RAPGEF2: variants seen among roughly 807,000 people sequenced by gnomAD.
RAPGEF2 encodes the protein PDZ domain containing guanine nucleotide exchange factor (GEF) 1.
Under a neutral mutation model 186.7 loss-of-function variants are expected in RAPGEF2, and 54 were observed. That is an observed-to-expected ratio of 0.29 (90% CI 0.23 to 0.36). RAPGEF2 has a LOEUF of 0.36. Ranked by LOEUF, RAPGEF2 falls within the 10% of genes least tolerant of loss-of-function variation. The pLI is 1.00. For synonymous variants in RAPGEF2, 712 were observed against 705.9 expected (o/e 1.01, Z -0.14); for missense variants, 1,532 against 2,045.0 (o/e 0.75, Z 4.84).
At chr4:159,220,398 T>C (rs910878120) in intron 4 of RAPGEF2, among the ~76,000 whole-genome samples, 1 of 152,098 alleles carries the variant, frequency 6.6e-6, no homozygotes, top group Admixed American at 6.5e-5. Flanking sequence ...TGTTAGCTTT[T>C]GAGAGAGCAA....
At chr4:159,256,024 A>G (rs1756119551) in intron 7 of RAPGEF2, among the ~76,000 whole-genome samples, 2 of 152,170 alleles carry the variant, frequency 1.3e-5, no homozygotes, top group Admixed American at 1.3e-4. Context: ...CATGCTGTTG[A>G]ACTGACCAAC....
At chr4:159,148,130 A>G (rs1016870395) in intron 1 of RAPGEF2, among the ~76,000 whole-genome samples, 2 of 152,196 alleles carry the variant, frequency 1.3e-5, no homozygotes, top group African/African-American at 2.4e-5. Context: ...AACATCTAGT[A>G]TATTAGATCT....
chr4:159,330,263 A>ATTTGTGTGTGTGTGTGTGTG, intron 12 of RAPGEF2, 71 bp from the exon 13 acceptor site: 1 of 410,162 alleles, frequency 2.4e-6, no homozygotes, highest in Non-Finnish European at 3.9e-6. Context: ...GTGTATATGT[A>ATTTGTGTGTGTGTGTGTGTG]TATGTGTGTG....
intron 4 of RAPGEF2, among the ~76,000 whole-genome samples, chr4:159,218,121 T>C (rs1354167497): frequency 6.6e-6 from 1 of 152,182 alleles, no homozygotes; most frequent in Non-Finnish European, 1.5e-5. Context: ...TACAGAAGGG[T>C]AACTTTATTG....
chr4:159,147,291 C>T lies in RAPGEF2; in HGVS notation c.70-39351C>T, dbSNP rs1017202791. Reference sequence around the variant, plus strand: ...TAATGAATAAAGGGACAGGAATATACGAAAAGAAAAAGAAATGGTTTGAAG... The same window carrying T: ...TAATGAATAAAGGGACAGGAATATATGAAAAGAAAAAGAAATGGTTTGAAG... On this transcript the variant is annotated intron_variant, in intron 1 of 29. Transcript: ENST00000691494. Among the ~76,000 whole-genome samples, 23 of 150,428 alleles carry T rather than the reference C, an allele frequency of 1.5e-4. No individual in the cohort carries two copies. In the East Asian group the frequency reaches 2.5e-3, roughly 16 times the overall value.
chr4:159,257,453 A>G (rs750237982), intron 7 of RAPGEF2, among the ~76,000 whole-genome samples: 3 of 152,174 alleles, frequency 2.0e-5, no homozygotes, highest in African/African-American at 7.2e-5. Context: ...AGAACAGCAC[A>G]GGAAAGACCC....
Position 159,318,891 on chromosome 4 carries a change from T to C in RAPGEF2, c.854-3456T>C, listed in dbSNP as rs567748250. On this transcript the variant is annotated intron_variant, in intron 9 of 29. Coordinates refer to ENST00000691494, the MANE Select transcript of RAPGEF2 (RefSeq NM_001394067.2). ...TTTTTTTATAATGGTACATTGTAAATAAAATGTTTTTAAAGCTTAATATTT... is the reference window on the plus strand; with the variant it reads ...TTTTTTTATAATGGTACATTGTAAACAAAATGTTTTTAAAGCTTAATATTT... 2.8e-4 allele frequency among the ~76,000 whole-genome samples: 42 copies of C among 152,320 alleles called. No homozygotes were observed. In the South Asian group the frequency reaches 8.3e-3, roughly 30 times the overall value.
Position 159,104,128 on chromosome 4 carries a change from G to T in RAPGEF2, c.-35G>T. ...CTGGGCCGGGAGGAGGCCGGCCAGG[G>T]TGCGGAGCGGCCCCGGCCCGCTCCC... On this transcript the variant is annotated 5_prime_UTR_variant, in exon 1 of 30. Coordinates refer to ENST00000691494, the MANE Select transcript of RAPGEF2 (RefSeq NM_001394067.2). 6.9e-7 allele frequency: 1 copy of T among 1,448,558 alleles called. No individual in the cohort carries two copies. Among genetic ancestry groups the T allele is most frequent in the Non-Finnish European group, 9.2e-7 (1 of 1,089,636 alleles). 89.7% of individuals were successfully genotyped at this position (1,448,558 alleles called of 1,614,324 possible). A position where few individuals can be genotyped will look rare whatever the true frequency, so the allele number is the denominator to read the frequency against.
intron 1 of RAPGEF2, among the ~76,000 whole-genome samples, chr4:159,170,885 A>G (rs1579364156): frequency 6.6e-6 from 1 of 152,142 alleles, no homozygotes; most frequent in South Asian, 2.1e-4. Flanking sequence ...TATGGTATTA[A>G]TAAGGGTCTA....
intron 7 of RAPGEF2, among the ~76,000 whole-genome samples, chr4:159,260,856 C>G (rs946843060): frequency 6.6e-6 from 1 of 152,166 alleles, no homozygotes; most frequent in African/African-American, 2.4e-5. Context: ...TCAAGTGATT[C>G]TCCTTCCTCA....
chr4:159,127,530 T>C (rs1740484529), intron 1 of RAPGEF2, among the ~76,000 whole-genome samples: 1 of 152,176 alleles, frequency 6.6e-6, no homozygotes, highest in East Asian at 1.9e-4. Flanking sequence ...GCTGTCACTG[T>C]TTTTAGCTTG....
intron 1 of RAPGEF2, among the ~76,000 whole-genome samples, chr4:159,153,952 C>T (rs972458169): frequency 2.0e-5 from 3 of 152,044 alleles, no homozygotes; most frequent in African/African-American, 4.8e-5. Flanking sequence ...AAGAAGGGCC[C>T]GTGTTTTAAT....
At chr4:159,129,967 G>A (rs1740834839) in intron 1 of RAPGEF2, among the ~76,000 whole-genome samples, 1 of 152,136 alleles carries the variant, frequency 6.6e-6, no homozygotes, top group South Asian at 2.1e-4. Flanking sequence ...TAAACAAGGG[G>A]TGAATTATTT....
intron 7 of RAPGEF2, chr4:159,267,284 A>G: frequency 7.8e-7 from 1 of 1,289,388 alleles, no homozygotes; most frequent in Non-Finnish European, 1.0e-6. Context: ...TGCTATGCCA[A>G]CTGCCTGCAG....
chr4:159,257,135 A>G (rs746008547), intron 7 of RAPGEF2, among the ~76,000 whole-genome samples: 1 of 152,012 alleles, frequency 6.6e-6, no homozygotes, highest in African/African-American at 2.4e-5. Flanking sequence ...ACCTTTGCTC[A>G]TGCCTGTGTC....
rs114685861 is a variant in RAPGEF2, at chr4:159,202,078, C to T, written c.198-8422C>T. Among the ~76,000 whole-genome samples the T allele has an allele frequency of 4.1e-3, 619 of 152,324 alleles. 3 individuals are homozygous for T. The highest frequency in any genetic ancestry group is 0.014 in the African/African-American group (581 of 41,578). ...TATGTGGTTCTCAGTTGTGCCGAAC[C>T]TGTCTCAGATAGCTGTGTCGTGTGC... On this transcript the variant is annotated intron_variant, in intron 3 of 29. Transcript: ENST00000691494.
At chr4:159,115,020 A>C (rs981062172) in intron 1 of RAPGEF2, among the ~76,000 whole-genome samples, 1 of 152,190 alleles carries the variant, frequency 6.6e-6, no homozygotes, top group East Asian at 1.9e-4. Flanking sequence ...GAATTTTAAA[A>C]ATCAAATTAA....
At chr4:159,279,668 C>T (rs955273271) in intron 7 of RAPGEF2, among the ~76,000 whole-genome samples, 3 of 151,912 alleles carry the variant, frequency 2.0e-5, no homozygotes, top group African/African-American at 7.2e-5. Flanking sequence ...TATCCACATC[C>T]ACATTTTCTT....
chr4:159,265,706 G>C (rs1757350348), intron 7 of RAPGEF2, among the ~76,000 whole-genome samples: 2 of 152,154 alleles, frequency 1.3e-5, no homozygotes, highest in Admixed American at 1.3e-4. Context: ...GATATCAGGA[G>C]GTGGTATGGT....
Sources: allele counts gnomAD v4.1 joint callset (sites outside exome capture counted in the v4.1 genomes callset), GRCh38; gene constraint gnomAD v4.1.1; transcripts MANE v1.5; gene names NCBI Gene and HGNC (gene_info 2026-07-23, HGNC 2026-07-21).